IL1RAP: variants seen among roughly 807,000 people sequenced by gnomAD.
IL1RAP encodes the protein interleukin 1 receptor accessory protein.
IL1RAP carries 35 observed loss-of-function variants against 60.7 expected under a neutral mutation model. The observed-to-expected ratio is 0.58, with a 90% CI of 0.44 to 0.76. The LOEUF is 0.76. IL1RAP is among the 30% of genes least tolerant of loss of function. The probability of loss-of-function intolerance (pLI) is 0.00; values close to 1 mark genes in which losing one functional copy is unlikely to be tolerated. For synonymous variants in IL1RAP, 268 were observed against 250.9 expected (o/e 1.07, Z -0.64); for missense variants, 572 against 693.9 (o/e 0.82, Z 1.97).
intron 3 of IL1RAP, among the ~76,000 whole-genome samples, chr3:190,591,808 A>G (rs760993783): frequency 5.3e-5 from 8 of 152,114 alleles, no homozygotes; most frequent in Non-Finnish European, 7.3e-5. Flanking sequence ...GCTTGGAGGG[A>G]AAAAAACCCC....
downstream of IL1RAP, among the ~76,000 whole-genome samples, chr3:190,653,397 A>G (rs2108873036): frequency 6.6e-6 from 1 of 152,378 alleles, no homozygotes; most frequent in Middle Eastern, 3.4e-3. Context: ...ACTAGGACTC[A>G]AAAGATATTA....
Position 190,627,427 on chromosome 3 carries a change from A to G in IL1RAP, c.880A>G (p.Ile294Val), listed in dbSNP as rs527619921. The G allele has an allele frequency of 6.2e-7, 1 of 1,611,644 alleles. No individual in the cohort carries two copies. Among genetic ancestry groups the G allele is most frequent in the African/African-American group, 1.3e-5 (1 of 74,772 alleles). ...TGGAAAAAAACCTGATGACATCACTATTGATGTCACCATTAACGAAAGGTA... is the reference window on the plus strand; with the variant it reads ...TGGAAAAAAACCTGATGACATCACTGTTGATGTCACCATTAACGAAAGGTA... ...IDGKKPDDIT[I>V]DVTINESISH... Residue 294 changes from isoleucine to valine, a missense_variant, in exon 8 of 12, where the codon ATT becomes GTT. Physicochemically the swap from Ile to Val is conservative, Grantham distance 29. Transcript: ENST00000447382.
At chr3:190,563,998 GATGT>G in intron 2 of IL1RAP, 1 of 328,204 alleles carries the variant, frequency 3.0e-6, no homozygotes, top group East Asian at 5.4e-5. Context: ...GGATCGTGGT[GATGT>G]TATTGAAACT....
At chr3:190,628,695 T>C (rs1402598032) in intron 8 of IL1RAP, among the ~76,000 whole-genome samples, 1 of 152,220 alleles carries the variant, frequency 6.6e-6, no homozygotes, top group Non-Finnish European at 1.5e-5. Flanking sequence ...GATTTAACCA[T>C]GAGATTTCAG....
At chr3:190,576,889 G>A (rs1560183238) in intron 3 of IL1RAP, among the ~76,000 whole-genome samples, 5 of 152,008 alleles carry the variant, frequency 3.3e-5, no homozygotes, top group South Asian at 2.1e-4. Flanking sequence ...TGAGGTGGGC[G>A]GATCACGAGG....
In IL1RAP at chr3:190,609,171, C is replaced by T. The variant is rs772585147; in HGVS notation, c.527C>T (p.Thr176Ile). 19 of 1,607,984 alleles carry T rather than the reference C, an allele frequency of 1.2e-5. No homozygotes were observed. The highest frequency in any genetic ancestry group is 1.7e-5 in the Admixed American group (1 of 59,256). The change falls in exon 5 of 12, where the codon ACT becomes ATT. Residue 176 changes from threonine to isoleucine, a missense_variant. Thr to Ile is a moderately conservative substitution (Grantham distance 89). Transcript: ENST00000447382. ...CCTTCCAGTGTCAAACCGACTATCACTTGGTATATGGTAAGGAAAATTAGA... is the reference window on the plus strand; with the variant it reads ...CCTTCCAGTGTCAAACCGACTATCATTTGGTATATGGTAAGGAAAATTAGA... ...YFPSSVKPTI[T>I]WYMGCYKIQN...
Position 190,644,345 on chromosome 3 carries a change from A to G in IL1RAP, c.1149A>G (p.Leu383=). Residue 383 remains leucine, a synonymous_variant, in exon 10 of 12, where the codon CTA becomes CTG. Coordinates refer to ENST00000447382, the MANE Select transcript of IL1RAP (RefSeq NM_002182.4). The stretch of plus-strand genomic sequence containing the variant: ...TTGTTGTTTACCATGTTTACTGGCT[A>G]GAGATGGTCCTATTTTACCGGGCTC... ...ILIVVYHVYW[L]EMVLFYRAHF... 1.9e-6 allele frequency: 3 copies of G among 1,614,010 alleles called. No homozygotes were observed. Among genetic ancestry groups the G allele is most frequent in the Non-Finnish European group, 2.5e-6 (3 of 1,179,896 alleles).
chr3:190,647,510 G>T (rs1454343131), intron 11 of IL1RAP, among the ~76,000 whole-genome samples: 2 of 152,140 alleles, frequency 1.3e-5, no homozygotes, highest in Non-Finnish European at 2.9e-5. Flanking sequence ...AAATTACATG[G>T]CATTTCCAGT....
At chr3:190,526,912 A>G (rs1722559282) in intron 1 of IL1RAP, among the ~76,000 whole-genome samples, 1 of 152,224 alleles carries the variant, frequency 6.6e-6, no homozygotes, top group Admixed American at 6.5e-5. Context: ...TCAGCAGGGC[A>G]TGCAGTGTGG....
intron 1 of IL1RAP, among the ~76,000 whole-genome samples, chr3:190,545,914 G>A (rs1268091173): frequency 6.6e-6 from 1 of 152,182 alleles, no homozygotes. Flanking sequence ...GTGAGTGACA[G>A]AGTGTTTTAA....
At chr3:190,612,165 A>G (rs538493101) in intron 5 of IL1RAP, among the ~76,000 whole-genome samples, 6 of 152,188 alleles carry the variant, frequency 3.9e-5, no homozygotes, top group Non-Finnish European at 8.8e-5. Context: ...ATGAAATAAG[A>G]CATAGTCTCA....
rs549706543 is a variant in IL1RAP, at chr3:190,588,305, A to C, written c.65-15823A>C. On this transcript the variant is annotated intron_variant, in intron 3 of 11. Coordinates refer to ENST00000447382, the MANE Select transcript of IL1RAP (RefSeq NM_002182.4). ...ATTTTTGTATTTTTAGTAGAGATGGAGTTTCACCATGTTGGCCAGGTTGGT... is the reference window on the plus strand; with the variant it reads ...ATTTTTGTATTTTTAGTAGAGATGGCGTTTCACCATGTTGGCCAGGTTGGT... Among the ~76,000 whole-genome samples, 16 of 152,114 alleles carry C rather than the reference A, an allele frequency of 1.1e-4. No individual in the cohort carries two copies. The South Asian group carries it at 3.3e-3, about 32-fold the overall frequency.
downstream of IL1RAP, among the ~76,000 whole-genome samples, chr3:190,653,086 G>A (rs1358890875): frequency 2.0e-5 from 3 of 152,154 alleles, no homozygotes; most frequent in Admixed American, 6.5e-5. Context: ...GAGTGTTTTA[G>A]TAGTAATTTT....
At chr3:190,621,124 T>G (rs2108795222) in intron 6 of IL1RAP, among the ~76,000 whole-genome samples, 1 of 152,294 alleles carries the variant, frequency 6.6e-6, no homozygotes, top group African/African-American at 2.4e-5. Context: ...CTGTGTCCAG[T>G]GTATTAAAAA....
intron 6 of IL1RAP, 64 bp downstream of exon 6, chr3:190,620,504 A>G: frequency 7.4e-7 from 1 of 1,356,968 alleles, no homozygotes; most frequent in African/African-American, 1.5e-5. Context: ...GGTTTTTAAT[A>G]GTTTATTACA....
intron 1 of IL1RAP, among the ~76,000 whole-genome samples, chr3:190,525,418 T>C (rs1390312985): frequency 1.3e-5 from 2 of 152,208 alleles, no homozygotes; most frequent in Non-Finnish European, 2.9e-5. Flanking sequence ...GGTTCTAAGA[T>C]AGGCAAGGCC....
intron 9 of IL1RAP, among the ~76,000 whole-genome samples, chr3:190,641,171 G>A (rs1733636026): frequency 6.6e-6 from 1 of 152,110 alleles, no homozygotes. Context: ...CTCCATGTTG[G>A]TCAGGCTGGT....
chr3:190,554,010 G>C (rs192545170), intron 1 of IL1RAP, among the ~76,000 whole-genome samples: 2 of 141,184 alleles, frequency 1.4e-5, no homozygotes, highest in Non-Finnish European at 3.0e-5. Flanking sequence ...GCAGTGAGCC[G>C]AGATCCCGCC....
intron 10 of IL1RAP, among the ~76,000 whole-genome samples, 165 bp from the exon 11 acceptor site, chr3:190,645,534 A>G (rs1391497027): frequency 1.3e-5 from 2 of 152,226 alleles, no homozygotes; most frequent in Non-Finnish European, 1.5e-5. Context: ...TCAAAATTAC[A>G]TCTTCAAATA....
Sources: gnomAD v4.1 joint callset for allele counts (sites outside exome capture counted in the v4.1 genomes callset) on GRCh38, gnomAD v4.1.1 for gene constraint, MANE v1.5 for transcripts, NCBI Gene and HGNC (gene_info 2026-07-23, HGNC 2026-07-21) for gene names.